Variants in GALK2 observed in about 807,000 individuals in gnomAD.
GALK2 encodes N-acetylgalactosamine kinase.
A neutral mutation model predicts 52.4 loss-of-function variants in GALK2; 36 were observed. The ratio of observed to expected loss-of-function variants is 0.69; its 90% CI spans 0.53 to 0.91. GALK2 has a LOEUF of 0.91. Among genes scored for constraint, GALK2 ranks in the 40% least tolerant of loss-of-function variants. GALK2 has a pLI of 0.00. For synonymous variants in GALK2, 176 were observed against 199.1 expected (o/e 0.88, Z 0.98); for missense variants, 579 against 559.1 (o/e 1.04, Z -0.36).
intron 1 of GALK2, among the ~76,000 whole-genome samples, chr15:49,198,687 T>C (rs2087453433): frequency 6.6e-6 from 1 of 151,964 alleles, no homozygotes; most frequent in African/African-American, 2.4e-5. Flanking sequence ...CTTATTCTAC[T>C]TTCCTCTTTT....
intron 1 of GALK2, among the ~76,000 whole-genome samples, chr15:49,182,959 C>T (rs537945356): frequency 1.3e-5 from 2 of 151,828 alleles, no homozygotes; most frequent in East Asian, 1.9e-4. Context: ...TGATTTTTTT[C>T]CTTTGCTGTG....
chr15:49,181,151 C>T (rs1566910477), intron 1 of GALK2, among the ~76,000 whole-genome samples: 1 of 142,988 alleles, frequency 7.0e-6, no homozygotes, highest in Non-Finnish European at 1.5e-5. Context: ...CACTCTGTTG[C>T]CCAGAATGAA....
At chr15:49,367,442 G>A in intron 3 of GALK2, 1 of 1,556,982 alleles carries the variant, frequency 6.4e-7, no homozygotes, top group South Asian at 1.2e-5. Flanking sequence ...GCTTTAAAAA[G>A]GATATGGTTC....
intron 1 of GALK2, among the ~76,000 whole-genome samples, chr15:49,163,611 C>T (rs530052267): frequency 2.0e-5 from 3 of 152,240 alleles, no homozygotes; most frequent in African/African-American, 4.8e-5. Context: ...TGTCTTGGCA[C>T]CTTTGTCAAA....
Position 49,217,308 on chromosome 15 carries a change from G to A in GALK2, c.261G>A (p.Leu87=), listed in dbSNP as rs562566800. 3.7e-6 allele frequency: 6 copies of A among 1,613,678 alleles called. No homozygotes were observed. In the African/African-American group the frequency reaches 6.7e-5, roughly 18 times the overall value. The change falls in exon 3 of 10, where the codon TTG becomes TTA. Residue 87 remains leucine, a synonymous_variant. Transcript: ENST00000560031. ...TCCAACTGGCCAATACAAATCCCTT[G>A]TATCCGTGAGTATTTAAAATTGTTA... ...YALQLANTNP[L]YPDFSTSANN... is the part of the protein sequence containing the mutation.
chr15:49,255,626 C>T lies in GALK2; in HGVS notation c.504+16259C>T, dbSNP rs1290582214. ...CATGGTTTCTGTTTCTCCAATTGTACTTAACATTATTTAATACACAGAGAT... is the reference window on the plus strand; with the variant it reads ...CATGGTTTCTGTTTCTCCAATTGTATTTAACATTATTTAATACACAGAGAT... On this transcript the variant is annotated intron_variant, in intron 5 of 9. Transcript: ENST00000560031. 1.9e-5 allele frequency among the ~76,000 whole-genome samples: 2 copies of T among 105,642 alleles called. 1 individual carries two copies. Among genetic ancestry groups the T allele is most frequent in the African/African-American group, 6.0e-5 (2 of 33,494 alleles). 69.3% of individuals were successfully genotyped at this position (105,642 alleles called of 152,430 possible). A position where few individuals can be genotyped will look rare whatever the true frequency, so the allele number is the denominator to read the frequency against.
intron 8 of GALK2, among the ~76,000 whole-genome samples, chr15:49,303,735 A>C (rs1002453198): frequency 2.0e-5 from 3 of 152,114 alleles, no homozygotes; most frequent in Admixed American, 2.0e-4. Context: ...CCAGCCTTGC[A>C]GGCCTCTTTG....
chr15:49,162,896 T>G (rs1161384759), intron 1 of GALK2, among the ~76,000 whole-genome samples: 3 of 152,202 alleles, frequency 2.0e-5, no homozygotes, highest in Non-Finnish European at 2.9e-5. Context: ...TGTGAGACCT[T>G]AAAACAGGAT....
chr15:49,261,858 G>T (rs1464280266), intron 5 of GALK2, among the ~76,000 whole-genome samples: 1 of 151,966 alleles, frequency 6.6e-6, no homozygotes, highest in Non-Finnish European at 1.5e-5. Context: ...CTGTTTATAT[G>T]CTGGATTACA....
At chr15:49,310,989 C>T (rs2035943436) in intron 8 of GALK2, among the ~76,000 whole-genome samples, 1 of 152,036 alleles carries the variant, frequency 6.6e-6, no homozygotes, top group Non-Finnish European at 1.5e-5. Context: ...GAAGCATTTC[C>T]CCTGTGTTCT....
chr15:49,210,170 C>CT (rs1687423741), intron 2 of GALK2, among the ~76,000 whole-genome samples: 1 of 150,122 alleles, frequency 6.7e-6, no homozygotes, highest in Non-Finnish European at 1.5e-5. Context: ...TGTGGTGTCA[C>CT]TTGTAATGTC....
chr15:49,335,452 C>G, downstream of GALK2: 1 of 1,613,522 alleles, frequency 6.2e-7, no homozygotes, highest in Non-Finnish European at 8.5e-7. Context: ...TGCAAATTGT[C>G]TTTTTGCCTC....
At chr15:49,279,684 G>C (rs937356345) in intron 5 of GALK2, among the ~76,000 whole-genome samples, 3 of 152,180 alleles carry the variant, frequency 2.0e-5, no homozygotes, top group Non-Finnish European at 4.4e-5. Context: ...TATTGCTGTT[G>C]AGGGGAGGGG....
intron 5 of GALK2, among the ~76,000 whole-genome samples, chr15:49,253,433 CT>C (rs527261068): frequency 7.0e-6 from 1 of 142,212 alleles, no homozygotes. Context: ...TTCTTTCTTT[CT>C]TTTTTTTTGT....
intron 3 of GALK2, among the ~76,000 whole-genome samples, chr15:49,354,712 G>A (rs1266962127): frequency 1.3e-5 from 2 of 152,194 alleles, no homozygotes; most frequent in East Asian, 1.9e-4. Flanking sequence ...AAACAGTCGG[G>A]AAGCTCGAAC....
downstream of GALK2, among the ~76,000 whole-genome samples, chr15:49,335,800 G>C (rs2039607561): frequency 1.3e-5 from 2 of 152,170 alleles, no homozygotes; most frequent in Non-Finnish European, 2.9e-5. Context: ...ACTTGTTAAA[G>C]GTAAATATTA....
Position 49,228,225 on chromosome 15 carries a change from G to A in GALK2, c.267-7626G>A, listed in dbSNP as rs2090249813. Among the ~76,000 whole-genome samples, 3 of 151,986 alleles carry A rather than the reference G, an allele frequency of 2.0e-5. No homozygotes were observed. In the South Asian group the frequency reaches 6.2e-4, roughly 32 times the overall value. On this transcript the variant is annotated intron_variant, in intron 3 of 9. Transcript: ENST00000560031. ...GACCTTTTAAAGTCATATTTGTTTG[G>A]GGATCTCTGAGCTTCCTGTATCAGA... is the stretch of plus-strand genomic sequence containing the variant.
At chr15:49,280,344 A>G (rs1257000868) in intron 5 of GALK2, among the ~76,000 whole-genome samples, 3 of 152,140 alleles carry the variant, frequency 2.0e-5, no homozygotes, top group Non-Finnish European at 4.4e-5. Context: ...GTGCTGCTTG[A>G]ATTGTTGACT....
intron 8 of GALK2, among the ~76,000 whole-genome samples, chr15:49,296,208 CAT>C (rs2034464957): frequency 6.6e-6 from 1 of 152,120 alleles, no homozygotes; most frequent in African/African-American, 2.4e-5. Context: ...TTGGTGTACA[CAT>C]GATTTTATCA....
Sources: gnomAD v4.1 joint callset for allele counts (sites outside exome capture counted in the v4.1 genomes callset) on GRCh38, gnomAD v4.1.1 for gene constraint, MANE v1.5 for transcripts, NCBI Gene and HGNC (gene_info 2026-07-23, HGNC 2026-07-21) for gene names.